Variants in KCNB2 observed in about 807,000 individuals in gnomAD.
KCNB2 encodes potassium voltage-gated channel subfamily B member 2, also known as delayed rectifier potassium channel protein.
In KCNB2, 15 loss-of-function variants were observed where a neutral mutation model predicts 61.5. That is an observed-to-expected ratio of 0.24 (90% confidence interval 0.16 to 0.38). The LOEUF is 0.38. Among genes scored for constraint, KCNB2 ranks in the 10% least tolerant of loss-of-function variants. The pLI, the probability that KCNB2 is intolerant of heterozygous loss-of-function variation, is 1.00. For missense variants in KCNB2, 828 were observed against 1,125.2 expected (o/e 0.74, Z 3.78); for synonymous variants, 457 against 446.0 (o/e 1.02, Z -0.31).
chr8:72,732,655 C>T (rs1807766989), intron 2 of KCNB2, among the ~76,000 whole-genome samples: 2 of 152,194 alleles, frequency 1.3e-5, no homozygotes, highest in Admixed American at 1.3e-4. Context: ...GCTGGTGATC[C>T]TGTGGACTTG....
chr8:72,834,428 G>A (rs1003546009), intron 2 of KCNB2, among the ~76,000 whole-genome samples: 7 of 152,172 alleles, frequency 4.6e-5, no homozygotes, highest in East Asian at 1.9e-4. Context: ...GTTCTGGAGC[G>A]ATGTGAGCAT....
chr8:72,903,936 A>C (rs1238374429), intron 2 of KCNB2, among the ~76,000 whole-genome samples: 1 of 152,174 alleles, frequency 6.6e-6, no homozygotes, highest in African/African-American at 2.4e-5. Context: ...TAAAGGGGAG[A>C]TAAAACCGTG....
chr8:72,738,214 C>T (rs1807883570), intron 2 of KCNB2, among the ~76,000 whole-genome samples: 1 of 152,148 alleles, frequency 6.6e-6, no homozygotes, highest in African/African-American at 2.4e-5. Context: ...TCAGAGGCTC[C>T]ATGACACCTC....
intron 2 of KCNB2, among the ~76,000 whole-genome samples, chr8:72,846,894 C>T (rs1158805631): frequency 6.6e-6 from 1 of 152,126 alleles, no homozygotes. Flanking sequence ...TTGACCCAGC[C>T]ATCCCATTAC....
At chr8:72,620,253 A>T (rs781351538) in intron 2 of KCNB2, among the ~76,000 whole-genome samples, 5 of 152,236 alleles carry the variant, frequency 3.3e-5, no homozygotes, top group Non-Finnish European at 5.9e-5. Context: ...ACAGAAATCC[A>T]ACAGGCAGTT....
At chr8:72,915,992 C>T (rs1177224728) in intron 2 of KCNB2, among the ~76,000 whole-genome samples, 1 of 152,072 alleles carries the variant, frequency 6.6e-6, no homozygotes, top group African/African-American at 2.4e-5. Context: ...TCATGAGTTT[C>T]CTTTTTCAAC....
chr8:72,561,729 C>A (rs349348), intron 1 of KCNB2, among the ~76,000 whole-genome samples: 7,840 of 18,928 alleles, frequency 0.41, 1,712 homozygotes, highest in Non-Finnish European at 0.49. Context: ...ATATATATAT[C>A]TATATCTATA....
chr8:72,650,685 A>G (rs1462025555), intron 2 of KCNB2, among the ~76,000 whole-genome samples: 1 of 152,124 alleles, frequency 6.6e-6, no homozygotes, highest in Non-Finnish European at 1.5e-5. Context: ...TCTAGTATCT[A>G]TAAGAGTCTG....
chr8:72,610,015 G>C (rs1805513005), intron 2 of KCNB2, among the ~76,000 whole-genome samples: 1 of 151,974 alleles, frequency 6.6e-6, no homozygotes, highest in African/African-American at 2.4e-5. Context: ...ACCTAAAATA[G>C]ATTTTTGTTG....
chr8:72,757,367 A>G (rs1808306278), intron 2 of KCNB2, among the ~76,000 whole-genome samples: 1 of 152,214 alleles, frequency 6.6e-6, no homozygotes, highest in Non-Finnish European at 1.5e-5. Flanking sequence ...CAGCAAATAC[A>G]GATTACTCTT....
intron 2 of KCNB2, among the ~76,000 whole-genome samples, chr8:72,769,762 G>GT (rs1166359741): frequency 6.6e-6 from 1 of 152,156 alleles, no homozygotes; most frequent in African/African-American, 2.4e-5. Flanking sequence ...GGAAGGAGTG[G>GT]TTTTGTGAAT....
At chr8:72,682,724 G>T (rs1178237282) in intron 2 of KCNB2, among the ~76,000 whole-genome samples, 1 of 152,008 alleles carries the variant, frequency 6.6e-6, no homozygotes, top group East Asian at 1.9e-4. Context: ...CTTCTGAGTA[G>T]TTGAGACTAC....
chr8:72,871,712 T>C (rs1805621633), intron 2 of KCNB2, among the ~76,000 whole-genome samples: 1 of 152,246 alleles, frequency 6.6e-6, no homozygotes, highest in Non-Finnish European at 1.5e-5. Flanking sequence ...CCTTGTTCTC[T>C]GTGTCAGTAA....
chr8:72,851,079 A>C (rs1224721134), intron 2 of KCNB2, among the ~76,000 whole-genome samples: 1 of 11,074 alleles, frequency 9.0e-5, no homozygotes, highest in Non-Finnish European at 4.7e-4. Flanking sequence ...ACCAAACTTC[A>C]TTATCTTCCT....
At chr8:72,640,767 T>C (rs1806042613) in intron 2 of KCNB2, among the ~76,000 whole-genome samples, 1 of 152,130 alleles carries the variant, frequency 6.6e-6, no homozygotes, top group Admixed American at 6.6e-5. Flanking sequence ...ACATAGCCAA[T>C]AGACTCTTCA....
chr8:72,897,349 C>T (rs1185437872), intron 2 of KCNB2, among the ~76,000 whole-genome samples: 4 of 152,076 alleles, frequency 2.6e-5, no homozygotes, highest in Non-Finnish European at 4.4e-5. Flanking sequence ...CCTAACTCAT[C>T]CAGTTTAGCA....
intron 2 of KCNB2, among the ~76,000 whole-genome samples, chr8:72,680,638 C>T (rs150751892): frequency 5.3e-5 from 8 of 152,274 alleles, no homozygotes; most frequent in African/African-American, 1.9e-4. Flanking sequence ...TACCTCCTGA[C>T]TCTGAGACCT....
chr8:72,600,461 G>A (rs1038957725), intron 2 of KCNB2, among the ~76,000 whole-genome samples: 2 of 152,036 alleles, frequency 1.3e-5, no homozygotes, highest in Non-Finnish European at 2.9e-5. Flanking sequence ...GGGGAGAGGG[G>A]AGGGATAGCA....
At chr8:72,697,732 C>T (rs1173829479) in intron 2 of KCNB2, among the ~76,000 whole-genome samples, 1 of 152,072 alleles carries the variant, frequency 6.6e-6, no homozygotes, top group Non-Finnish European at 1.5e-5. Context: ...ATTAACTGAA[C>T]AGATAATTTG....
Sources: gnomAD v4.1 joint callset for allele counts (sites outside exome capture counted in the v4.1 genomes callset) on GRCh38, gnomAD v4.1.1 for gene constraint, MANE v1.5 for transcripts, NCBI Gene and HGNC (gene_info 2026-07-23, HGNC 2026-07-21) for gene names.